UBAP2: variants seen among roughly 807,000 people sequenced by gnomAD.
The protein encoded by UBAP2 is ubiquitin-associated protein 2.
Under a neutral mutation model 139.6 loss-of-function variants are expected in UBAP2, and 75 were observed. That is an observed-to-expected ratio of 0.54 (90% confidence interval 0.45 to 0.65). The LOEUF is 0.65. Among genes scored for constraint, UBAP2 ranks in the 30% least tolerant of loss-of-function variants. UBAP2 has a pLI of 0.00. For synonymous variants in UBAP2, 526 were observed against 526.2 expected, an observed-to-expected ratio of 1.00 and a Z score of 0.01; for missense variants, 1,368 against 1,369.6, an observed-to-expected ratio of 1.00 and a Z score of 0.02.
chr9:33,969,873 C>A (rs767395838), intron 8 of UBAP2, among the ~76,000 whole-genome samples: 6 of 149,602 alleles, frequency 4.0e-5, no homozygotes, highest in Non-Finnish European at 8.9e-5. Flanking sequence ...AACACCCCCC[C>A]ACCCCCAAAA....
At chr9:34,016,998 A>C in intron 2 of UBAP2, 52 bp downstream of exon 2, 1 of 1,326,370 alleles carries the variant, frequency 7.5e-7, no homozygotes, top group Non-Finnish European at 1.0e-6. Context: ...TTCAAGTATA[A>C]TAATAAAAGA....
chr9:33,999,429 C>T (rs1331120474), intron 2 of UBAP2, among the ~76,000 whole-genome samples: 1 of 151,826 alleles, frequency 6.6e-6, no homozygotes, highest in Non-Finnish European at 1.5e-5. Context: ...TGCCCAGACA[C>T]AGGCTTAGAA....
chr9:33,942,089 G>A (rs1219941063), intron 15 of UBAP2, among the ~76,000 whole-genome samples: 1 of 151,118 alleles, frequency 6.6e-6, no homozygotes, highest in Non-Finnish European at 1.5e-5. Context: ...AGAGGTGGGC[G>A]GATCCGGAGG....
At position 34,016,171 on chromosome 9, in the gene UBAP2, GAGGAGGAGGAAGAGGAGGAATAGA is replaced by G. The variant is rs1824239531; in HGVS notation, c.99+855_99+878del. Among the ~76,000 whole-genome samples the G allele has an allele frequency of 1.2e-4, 18 of 150,998 alleles. No homozygotes were observed. In the South Asian group the frequency reaches 3.6e-3, roughly 30 times the overall value. On this transcript the variant is annotated intron_variant, in intron 2 of 28. Coordinates refer to ENST00000379238, the MANE Select transcript of UBAP2 (RefSeq NM_001370062.2). The stretch of plus-strand genomic sequence containing the variant: ...GCAAGGTGAAAGGGGAGAGGAGGAG[GAGGAGGAGGAAGAGGAGGAATAGA>G]AGGAAGAGGAGGAATAGGAGGAAGA...
chr9:33,943,407 C>T lies in UBAP2; in HGVS notation c.1715+13G>A, dbSNP rs1353138078. 3 of 1,613,414 alleles carry T rather than the reference C, an allele frequency of 1.9e-6. No homozygotes were observed. Among genetic ancestry groups the T allele is most frequent in the African/African-American group, 1.3e-5 (1 of 75,004 alleles). On this transcript the variant is annotated intron_variant, in intron 15 of 28. Coordinates refer to ENST00000379238, the MANE Select transcript of UBAP2 (RefSeq NM_001370062.2). The stretch of plus-strand genomic sequence containing the variant: ...GTCTATTTTGCTTCATAACAAAGGA[C>T]TAAATTCAGTACCTTAAAGACTTCG...
At chr9:33,975,477 G>C (rs899335724) in intron 6 of UBAP2, among the ~76,000 whole-genome samples, 1 of 149,750 alleles carries the variant, frequency 6.7e-6, no homozygotes, top group Non-Finnish European at 1.5e-5. Context: ...CAAAGATGTG[G>C]AGCACACCAT....
intron 1 of UBAP2, among the ~76,000 whole-genome samples, chr9:34,038,968 C>T (rs992225333): frequency 6.6e-5 from 10 of 150,732 alleles, no homozygotes; most frequent in African/African-American, 9.8e-5. Context: ...TCTGCCCGAC[C>T]GCGACCCCGT....
intron 1 of UBAP2, among the ~76,000 whole-genome samples, chr9:34,037,444 C>A (rs916870682): frequency 6.6e-6 from 1 of 152,128 alleles, no homozygotes; most frequent in Non-Finnish European, 1.5e-5. Flanking sequence ...CCATATACTA[C>A]CTTAAGTTTT....
intron 1 of UBAP2, among the ~76,000 whole-genome samples, chr9:34,048,532 A>T (rs1827823536): frequency 6.6e-6 from 1 of 152,116 alleles, no homozygotes; most frequent in East Asian, 1.9e-4. Flanking sequence ...CAGAAACCCG[A>T]AAGGGGGGAG....
intron 4 of UBAP2, chr9:33,995,446 ATAT>A (rs1288525029): frequency 2.2e-5 from 3 of 138,706 alleles, no homozygotes; most frequent in East Asian, 2.0e-4. Context: ...AATATTATAA[ATAT>A]TATATATAAT....
intron 1 of UBAP2, among the ~76,000 whole-genome samples, chr9:34,022,060 C>G (rs1020611650): frequency 2.0e-5 from 3 of 152,080 alleles, no homozygotes; most frequent in Non-Finnish European, 4.4e-5. Flanking sequence ...GCCTGGCCAA[C>G]GTGGTGAAAC....
intron 1 of UBAP2, among the ~76,000 whole-genome samples, chr9:34,041,822 G>A (rs533693479): frequency 1.4e-4 from 21 of 149,056 alleles, no homozygotes; most frequent in South Asian, 2.2e-4. Context: ...TCAGGAGTTC[G>A]AGACCAGCCT....
At chr9:33,930,454 G>A (rs560930221) in intron 19 of UBAP2, among the ~76,000 whole-genome samples, 1 of 151,952 alleles carries the variant, frequency 6.6e-6, no homozygotes, top group South Asian at 2.1e-4. Flanking sequence ...GAACTGTGGG[G>A]AAACAACAAC....
intron 22 of UBAP2, among the ~76,000 whole-genome samples, chr9:33,925,137 C>G (rs1017148338): frequency 1.6e-4 from 25 of 152,120 alleles, no homozygotes; most frequent in Non-Finnish European, 3.1e-4. Context: ...GGGCCTCGCA[C>G]TCCTGGACAC....
At chr9:33,996,057 A>G (rs1403035041) in intron 4 of UBAP2, 166 bp downstream of exon 4, 1 of 557,078 alleles carries the variant, frequency 1.8e-6, no homozygotes, top group Non-Finnish European at 3.1e-6. Flanking sequence ...GAAACCATAC[A>G]TAACAAAAAC....
intron 6 of UBAP2, among the ~76,000 whole-genome samples, chr9:33,979,429 G>A (rs559709043): frequency 4.6e-5 from 7 of 152,226 alleles, no homozygotes; most frequent in Non-Finnish European, 8.8e-5. Context: ...TACAAAATTA[G>A]CTGGGTGTGG....
intron 24 of UBAP2, 88 bp downstream of exon 24, chr9:33,923,707 T>A (rs1298349192): frequency 2.9e-6 from 4 of 1,390,176 alleles, no homozygotes; most frequent in African/African-American, 2.8e-5. Context: ...ATCACAACCC[T>A]CCCTCCCTGC....
chr9:33,924,363 G>A (rs577739439), intron 22 of UBAP2, 79 bp from the exon 23 acceptor site: 153 of 1,380,690 alleles, frequency 1.1e-4, no homozygotes, highest in Non-Finnish European at 8.6e-5. Context: ...CATGGAAGTG[G>A]TGACGCCACA....
intron 17 of UBAP2, among the ~76,000 whole-genome samples, chr9:33,934,941 T>C (rs1245231112): frequency 1.3e-5 from 2 of 152,116 alleles, no homozygotes; most frequent in Admixed American, 1.3e-4. Flanking sequence ...AATCTGTCAT[T>C]ACAGTTTCAA....
Sources: allele counts gnomAD v4.1 joint callset (sites outside exome capture counted in the v4.1 genomes callset), GRCh38; gene constraint gnomAD v4.1.1; transcripts MANE v1.5; gene names NCBI Gene and HGNC (gene_info 2026-07-23, HGNC 2026-07-21).